PDXK: variants seen among roughly 807,000 people sequenced by gnomAD.
PDXK encodes epididymis secretory sperm binding protein Li 1a.
Under a neutral mutation model 43.2 loss-of-function variants are expected in PDXK, and 15 were observed. The ratio of observed to expected loss-of-function variants is 0.35; its 90% confidence interval spans 0.23 to 0.53. The LOEUF (loss-of-function observed/expected upper bound fraction) is 0.53. Ranked by LOEUF, PDXK falls within the 20% of genes least tolerant of loss-of-function variation. The probability of loss-of-function intolerance (pLI) is 0.92; values close to 1 mark genes in which losing one functional copy is unlikely to be tolerated. For synonymous variants in PDXK, 172 were observed against 165.4 expected (o/e 1.04, Z -0.31); for missense variants, 343 against 417.0 (o/e 0.82, Z 1.54).
chr21:43,747,853 G>A (rs1457362611), intron 5 of PDXK, among the ~76,000 whole-genome samples: 3 of 152,236 alleles, frequency 2.0e-5, no homozygotes, highest in African/African-American at 7.2e-5. Context: ...TTAAAGGGGT[G>A]TGTTGGCCCT....
chr21:43,741,335 C>G (rs1424776717), intron 2 of PDXK: 1 of 40 alleles, frequency 0.025, no homozygotes, highest in African/African-American at 0.1. Context: ...GCGGGGGGCT[C>G]GCGGGGGGGC....
At position 43,729,326 on chromosome 21, in the gene PDXK, C is replaced by T. The variant is rs146783080; in HGVS notation, c.88-4743C>T. Among the ~76,000 whole-genome samples the T allele has an allele frequency of 4.6e-3, 705 of 152,368 alleles. 7 individuals are homozygous for T. Among genetic ancestry groups the T allele is most frequent in the Non-Finnish European group, 8.7e-3 (590 of 68,040 alleles). ...AGAACCCTCGTTCTTCGCGTGCTGT[C>T]GCGGGGGCTCCGTAGGCACGGTTGC... On this transcript the variant is annotated intron_variant, in intron 1 of 10. Transcript: ENST00000291565.
rs766617545 is a variant in PDXK at position 43,746,103 on chromosome 21, A to G, written c.356A>G (p.Lys119Arg). ...VYVCDPVLGD[K>R]WDGEGSMYVP... The stretch of plus-strand genomic sequence containing the variant: ...GTGTGTGATCCAGTCTTGGGTGACA[A>G]GTGGGACGGCGAAGGCTCGATGGTG... The change falls in exon 5 of 11, where the codon AAG (lysine) becomes AGG (arginine). Residue 119 changes from lysine to arginine, a missense_variant. Lys to Arg is a conservative substitution (Grantham distance 26). Transcript: ENST00000291565. 9.9e-6 allele frequency: 16 copies of G among 1,613,710 alleles called. No individual in the cohort carries two copies. The Admixed American group carries it at 1.3e-4, about 13-fold the overall frequency.
At position 43,750,033 on chromosome 21, in the gene PDXK, C is replaced by T. The variant is rs147568937; in HGVS notation, c.465-467C>T. Among the ~76,000 whole-genome samples the T allele has an allele frequency of 3.9e-3, 581 of 150,156 alleles. 5 individuals are homozygous for T. Among genetic ancestry groups the T allele is most frequent in the African/African-American group, 0.013 (523 of 40,890 alleles). On this transcript the variant is annotated intron_variant, in intron 6 of 10. Transcript: ENST00000291565. Reference sequence around the variant, plus strand: ...GCCAGGTCTTGAGCCCCCCCATTCACGCAGGGGTGGGGGCGCCTGGACTCT... The same window carrying T: ...GCCAGGTCTTGAGCCCCCCCATTCATGCAGGGGTGGGGGCGCCTGGACTCT...
intron 1 of PDXK, chr21:43,728,973 C>T: frequency 1.0e-6 from 1 of 985,634 alleles, no homozygotes; most frequent in South Asian, 4.7e-5. Context: ...ATCTGACTGG[C>T]TTTCTCTCTC....
Position 43,737,486 on chromosome 21 carries a change from G to T in PDXK, c.142+3363G>T, listed in dbSNP as rs2083425100. On this transcript the variant is annotated intron_variant, in intron 2 of 10. Coordinates refer to ENST00000291565, the MANE Select transcript of PDXK (RefSeq NM_003681.5). The surrounding 1 kb of genome is among the most constrained non-coding windows in gnomAD (Gnocchi z 4.8). ...CCCTGTCTGAGCTTCCCGGACTGAGGGCACTGGGAAGGAGCCTGCGGAGCT... is the reference window on the plus strand; with the variant it reads ...CCCTGTCTGAGCTTCCCGGACTGAGTGCACTGGGAAGGAGCCTGCGGAGCT... 9.5e-6 allele frequency: 10 copies of T among 1,049,328 alleles called. No homozygotes were observed. Among genetic ancestry groups the T allele is most frequent in the Non-Finnish European group, 9.2e-6 (8 of 867,078 alleles). The allele number at this position is 1,049,328 out of a possible 1,614,324, so 65.0% of individuals were successfully genotyped here. A position where few individuals can be genotyped will look rare whatever the true frequency, so the allele number is the denominator to read the frequency against.
chr21:43,750,920 ATGTGTGTG>A (rs2083734763), intron 7 of PDXK, among the ~76,000 whole-genome samples: 11 of 100,900 alleles, frequency 1.1e-4, no homozygotes, highest in African/African-American at 4.0e-4. Context: ...GCATGTGTGC[ATGTGTGTG>A]CGTATGTGTG....
chr21:43,720,863 C>A (rs2083201152), intron 1 of PDXK, among the ~76,000 whole-genome samples: 1 of 152,194 alleles, frequency 6.6e-6, no homozygotes, highest in African/African-American at 2.4e-5. Context: ...TCTGTCCCGT[C>A]CCTCCTCCCA....
In PDXK at chr21:43,719,274, G is replaced by T. The variant is rs1180278856; in HGVS notation, c.-21G>T. 3 of 1,409,496 alleles carry T rather than the reference G, an allele frequency of 2.1e-6. No individual in the cohort carries two copies. Among genetic ancestry groups the T allele is most frequent in the Non-Finnish European group, 2.8e-6 (3 of 1,070,490 alleles). 87.3% of individuals were successfully genotyped at this position (1,409,496 alleles called of 1,614,324 possible). ...GACCGTGCCCCCGCCTCGGCCCCGC[G>T]CCGCCGCGGCCAGGCCCGGCATGGA... On this transcript the variant is annotated 5_prime_UTR_variant, in exon 1 of 11. Coordinates refer to ENST00000291565, the MANE Select transcript of PDXK (RefSeq NM_003681.5).
intron 1 of PDXK, among the ~76,000 whole-genome samples, chr21:43,724,941 T>A (rs539439819): frequency 0.025 from 3,754 of 150,490 alleles, 171 homozygotes; most frequent in African/African-American, 0.087. Context: ...GACCCTGTTT[T>A]TAAAAAAAAA....
chr21:43,733,694 T>C, intron 1 of PDXK: 1 of 1,125,276 alleles, frequency 8.9e-7, no homozygotes, highest in East Asian at 6.2e-5. Flanking sequence ...CTGTTCAGTG[T>C]GTGGACAGAT....
At chr21:43,746,178 G>A (rs374716655) in intron 5 of PDXK, 53 bp downstream of exon 5, 36 of 1,435,064 alleles carry the variant, frequency 2.5e-5, no homozygotes, top group Non-Finnish European at 3.4e-5. Flanking sequence ...AGCTATTCCT[G>A]TCCAGCCAGA....
At chr21:43,752,998 C>T (rs1257356643) in intron 8 of PDXK, among the ~76,000 whole-genome samples, 1 of 152,210 alleles carries the variant, frequency 6.6e-6, no homozygotes, top group African/African-American at 2.4e-5. Flanking sequence ...TGGGGCCATG[C>T]ACTAAGCTAG....
chr21:43,723,153 C>A lies in PDXK; in HGVS notation c.87+3772C>A. The stretch of plus-strand genomic sequence containing the variant: ...CACGCCTGGCCTTCTTTTTCTTTTT[C>A]TTTCTTTTTTTTTTTTTTGAGACGA... On this transcript the variant is annotated intron_variant, in intron 1 of 10. Coordinates refer to ENST00000291565, the MANE Select transcript of PDXK (RefSeq NM_003681.5). This position sits in a 1 kb window ranked among gnomAD's most constrained non-coding sequence, Gnocchi z 4.1. Among the ~76,000 whole-genome samples the A allele has an allele frequency of 7.0e-6, 1 of 143,002 alleles. No individual in the cohort carries two copies. Among genetic ancestry groups the A allele is most frequent in the South Asian group, 2.1e-4 (1 of 4,738 alleles). The allele number at this position is 143,002 out of a possible 152,430, so 93.8% of individuals were successfully genotyped here.
At position 43,737,967 on chromosome 21, in the gene PDXK, T is replaced by C; in HGVS notation, c.143-3700T>C. 1.0e-6 allele frequency: 1 copy of C among 985,448 alleles called. No homozygotes were observed. The highest frequency in any genetic ancestry group is 1.2e-6 in the Non-Finnish European group (1 of 829,950). 61.0% of individuals were successfully genotyped at this position (985,448 alleles called of 1,614,324 possible). A position where few individuals can be genotyped will look rare whatever the true frequency, so the allele number is the denominator to read the frequency against. ...GAGGCCACCAAGAGGTGCAAGACCA[T>C]GCCCTCTGTTTCGATAGGAAGCTGG... On this transcript the variant is annotated intron_variant, in intron 2 of 10. Transcript: ENST00000291565. This position sits in a 1 kb window ranked among gnomAD's most constrained non-coding sequence, Gnocchi z 4.8.
chr21:43,732,178 G>A lies in PDXK; in HGVS notation c.88-1891G>A, dbSNP rs1467654487. On this transcript the variant is annotated intron_variant, in intron 1 of 10. Transcript: ENST00000291565. This position sits in a 1 kb window ranked among gnomAD's most constrained non-coding sequence, Gnocchi z 4.1. ...TTCTTGGTACCTCCTGGTGGTGCCT[G>A]GGAGGGAGCCACTGCTGTACAGAGA... 9.9e-6 allele frequency: 14 copies of A among 1,415,082 alleles called. No individual in the cohort carries two copies. Among genetic ancestry groups the A allele is most frequent in the Non-Finnish European group, 1.0e-5 (11 of 1,089,072 alleles). 87.7% of individuals were successfully genotyped at this position (1,415,082 alleles called of 1,614,324 possible).
Position 43,732,125 on chromosome 21 carries a change from C to A in PDXK, c.88-1944C>A. 1 of 1,337,440 alleles carries A rather than the reference C, an allele frequency of 7.5e-7. No homozygotes were observed. The highest frequency in any genetic ancestry group is 1.8e-5 in the South Asian group (1 of 55,890). The allele number at this position is 1,337,440 out of a possible 1,614,324, so 82.8% of individuals were successfully genotyped here. A position where few individuals can be genotyped will look rare whatever the true frequency, so the allele number is the denominator to read the frequency against. On this transcript the variant is annotated intron_variant, in intron 1 of 10. Transcript: ENST00000291565. This position sits in a 1 kb window ranked among gnomAD's most constrained non-coding sequence, Gnocchi z 4.1. ...AAGAAGAGCACTGCTGACAGAAGCC[C>A]ATTCTCTTCGCAGGCTTCAGTTTCA...
chr21:43,749,583 G>A (rs1041854857), intron 6 of PDXK, among the ~76,000 whole-genome samples: 4 of 152,276 alleles, frequency 2.6e-5, no homozygotes, highest in Non-Finnish European at 2.9e-5. Flanking sequence ...TGTGGTGGGG[G>A]CGCCTGGGTT....
intron 1 of PDXK, among the ~76,000 whole-genome samples, chr21:43,722,797 A>G (rs2083217548): frequency 1.3e-5 from 2 of 152,192 alleles, no homozygotes; most frequent in Admixed American, 1.3e-4. Flanking sequence ...ATAATCTGGC[A>G]TGATCTCATC....
Sources: gnomAD v4.1 joint callset for allele counts (sites outside exome capture counted in the v4.1 genomes callset) on GRCh38, gnomAD v4.1.1 for gene constraint, Gnocchi (gnomAD v3.1) non-coding constraint, MANE v1.5 for transcripts, NCBI Gene and HGNC (gene_info 2026-07-23, HGNC 2026-07-21) for gene names.